RORA: variants seen among roughly 807,000 people sequenced by gnomAD.
RORA encodes the protein RAR related orphan receptor A, also known as nuclear receptor ROR-alpha.
In RORA, 7 loss-of-function variants were observed where a neutral mutation model predicts 69.5. The ratio of observed to expected loss-of-function variants is 0.10; its 90% CI spans 0.06 to 0.19. The LOEUF is 0.19. Among genes scored for constraint, RORA ranks in the 10% least tolerant of loss-of-function variants. The probability of loss-of-function intolerance (pLI) is 1.00; values close to 1 mark genes in which losing one functional copy is unlikely to be tolerated. For synonymous variants in RORA, 261 were observed against 240.8 expected (o/e 1.08, Z -0.78); for missense variants, 457 against 663.0 (o/e 0.69, Z 3.41).
intron 2 of RORA, among the ~76,000 whole-genome samples, chr15:60,636,201 C>T (rs891881631): frequency 8.5e-5 from 13 of 152,124 alleles, no homozygotes; most frequent in Admixed American, 7.9e-4. Flanking sequence ...AACAAGAAAC[C>T]GATGTTCTTC....
intron 1 of RORA, among the ~76,000 whole-genome samples, chr15:61,158,590 G>C (rs1345833126): frequency 6.6e-6 from 1 of 152,158 alleles, no homozygotes; most frequent in Non-Finnish European, 1.5e-5. Flanking sequence ...CACTCTTCTA[G>C]ATTCTTTACA....
At chr15:60,851,490 T>A (rs1305452352) in intron 1 of RORA, among the ~76,000 whole-genome samples, 4 of 151,850 alleles carry the variant, frequency 2.6e-5, no homozygotes, top group African/African-American at 9.7e-5. Context: ...GGTGCTGGGG[T>A]GTTCTAGGTC....
At chr15:60,529,612 G>A (rs1364779620) in intron 3 of RORA, 2 of 152,172 alleles carry the variant, frequency 1.3e-5, no homozygotes, top group Non-Finnish European at 2.9e-5. Flanking sequence ...ATGCAGACAA[G>A]ATCTGGAAGG....
intron 1 of RORA, among the ~76,000 whole-genome samples, chr15:61,168,534 C>T (rs1465564448): frequency 6.6e-6 from 1 of 152,114 alleles, no homozygotes; most frequent in African/African-American, 2.4e-5. Flanking sequence ...GCTGGGATTA[C>T]AGGTGTGAGC....
At chr15:60,720,691 C>T (rs2071282827) in intron 1 of RORA, among the ~76,000 whole-genome samples, 1 of 152,150 alleles carries the variant, frequency 6.6e-6, no homozygotes, top group Non-Finnish European at 1.5e-5. Flanking sequence ...TTTCTCGAAT[C>T]GATCCTGGCA....
At chr15:60,738,112 T>C (rs1444708375) in intron 1 of RORA, among the ~76,000 whole-genome samples, 1 of 152,218 alleles carries the variant, frequency 6.6e-6, no homozygotes, top group Non-Finnish European at 1.5e-5. Context: ...CCTTCTCATT[T>C]TAGTGAAGCA....
intron 1 of RORA, among the ~76,000 whole-genome samples, chr15:60,705,411 G>A (rs1037772991): frequency 6.6e-6 from 1 of 152,152 alleles, no homozygotes; most frequent in Admixed American, 6.5e-5. Flanking sequence ...ATCACCACAA[G>A]TATGTGCATA....
intron 1 of RORA, among the ~76,000 whole-genome samples, chr15:61,218,277 G>A (rs1444694331): frequency 1.3e-5 from 2 of 151,064 alleles, no homozygotes; most frequent in African/African-American, 2.4e-5. Flanking sequence ...CAAAGATATC[G>A]CCCTGAGAGG....
chr15:60,898,694 C>T (rs556826233), intron 1 of RORA, among the ~76,000 whole-genome samples: 18 of 151,650 alleles, frequency 1.2e-4, no homozygotes, highest in African/African-American at 4.1e-4. Context: ...GATACTCTAA[C>T]TCTTAAAAAA....
intron 1 of RORA, among the ~76,000 whole-genome samples, chr15:60,951,673 T>C (rs1292360330): frequency 6.6e-6 from 1 of 151,866 alleles, no homozygotes; most frequent in Admixed American, 6.6e-5. Context: ...TCTACGCAAA[T>C]AAACTAGAAA....
chr15:60,929,711 G>A (rs574737673), intron 1 of RORA, among the ~76,000 whole-genome samples: 2 of 152,240 alleles, frequency 1.3e-5, no homozygotes, highest in African/African-American at 2.4e-5. Context: ...AGGTTTTCCC[G>A]CTTCGCTCTT....
At chr15:61,218,765 C>T (rs1489688255) in intron 1 of RORA, among the ~76,000 whole-genome samples, 6 of 151,768 alleles carry the variant, frequency 4.0e-5, no homozygotes, top group African/African-American at 1.2e-4. Context: ...AAAGCTGTTA[C>T]TTTTCACTTA....
intron 2 of RORA, among the ~76,000 whole-genome samples, chr15:60,669,604 C>T (rs2070433944): frequency 6.6e-6 from 1 of 152,142 alleles, no homozygotes; most frequent in Non-Finnish European, 1.5e-5. Context: ...TCTGTTCTTA[C>T]TGGTCTCCCT....
chr15:60,514,273 G>A (rs2065793061), intron 4 of RORA, among the ~76,000 whole-genome samples: 1 of 152,294 alleles, frequency 6.6e-6, no homozygotes, highest in South Asian at 2.1e-4. Flanking sequence ...AATGCCTAGA[G>A]GAGACATCTT....
intron 1 of RORA, among the ~76,000 whole-genome samples, chr15:60,986,449 T>G (rs1894204080): frequency 6.6e-6 from 1 of 152,204 alleles, no homozygotes; most frequent in Non-Finnish European, 1.5e-5. Context: ...GCTTTTCGAG[T>G]TCCTGAACAA....
At chr15:61,028,850 C>T (rs1011527567) in intron 1 of RORA, among the ~76,000 whole-genome samples, 3 of 152,116 alleles carry the variant, frequency 2.0e-5, no homozygotes, top group African/African-American at 7.2e-5. Context: ...AACTCAAAAA[C>T]ATTATGTTAA....
intron 1 of RORA, among the ~76,000 whole-genome samples, chr15:60,754,284 CA>C (rs2071766632): frequency 6.6e-6 from 1 of 152,160 alleles, no homozygotes; most frequent in Non-Finnish European, 1.5e-5. Flanking sequence ...GTTTCACTAC[CA>C]TGGAGGTTTC....
intron 1 of RORA, among the ~76,000 whole-genome samples, chr15:60,864,212 T>G (rs2073461847): frequency 6.6e-6 from 1 of 152,160 alleles, no homozygotes; most frequent in Non-Finnish European, 1.5e-5. Flanking sequence ...GAAGAGAAAA[T>G]GAATGTCAGA....
intron 1 of RORA, among the ~76,000 whole-genome samples, chr15:60,851,380 C>T (rs1489090631): frequency 1.3e-5 from 2 of 152,136 alleles, no homozygotes; most frequent in African/African-American, 4.8e-5. Context: ...ATTCCTCTGA[C>T]ACATTAGGGC....
Sources: allele counts gnomAD v4.1 joint callset (sites outside exome capture counted in the v4.1 genomes callset), GRCh38; gene constraint gnomAD v4.1.1; transcripts MANE v1.5; gene names NCBI Gene and HGNC (gene_info 2026-07-23, HGNC 2026-07-21).